TLL1: variants seen among roughly 807,000 people sequenced by gnomAD.
TLL1 encodes tolloid-like protein 1.
A neutral mutation model predicts 128.2 loss-of-function variants in TLL1; 49 were observed. The ratio of observed to expected loss-of-function variants is 0.38; its 90% confidence interval spans 0.30 to 0.48. The LOEUF (loss-of-function observed/expected upper bound fraction) is 0.48. TLL1 is among the 20% of genes least tolerant of loss of function. TLL1 has a pLI of 0.96. For missense variants in TLL1, 1,123 were observed against 1,242.0 expected, an observed-to-expected ratio of 0.90 and a Z score of 1.44; for synonymous variants, 454 against 418.8, an observed-to-expected ratio of 1.08 and a Z score of -1.03.
intron 15 of TLL1, among the ~76,000 whole-genome samples, chr4:166,063,246 A>G (rs1409098326): frequency 1.3e-5 from 2 of 152,228 alleles, no homozygotes; most frequent in Non-Finnish European, 2.9e-5. Flanking sequence ...AAAAATGCTC[A>G]TCATCACTGG....
intron 1 of TLL1, among the ~76,000 whole-genome samples, chr4:165,910,958 A>T (rs1732500634): frequency 6.6e-6 from 1 of 152,174 alleles, no homozygotes; most frequent in South Asian, 2.1e-4. Context: ...ATTTTGTTAC[A>T]TGAATAGAAT....
intron 13 of TLL1, among the ~76,000 whole-genome samples, chr4:166,056,977 C>T (rs551985441): frequency 1.6e-4 from 24 of 152,136 alleles, no homozygotes; most frequent in South Asian, 1.5e-3. Context: ...GAAAGATTTA[C>T]GCCCTCATAT....
chr4:166,098,826 G>C (rs776902768), intron 19 of TLL1, among the ~76,000 whole-genome samples: 6 of 152,052 alleles, frequency 3.9e-5, no homozygotes, highest in Admixed American at 1.3e-4. Context: ...GATTAAACTT[G>C]AGTTAATACT....
At chr4:165,884,974 G>C (rs969399490) in intron 1 of TLL1, among the ~76,000 whole-genome samples, 1 of 152,066 alleles carries the variant, frequency 6.6e-6, no homozygotes, top group African/African-American at 2.4e-5. Flanking sequence ...AAGTTACCGG[G>C]TTCACTTTTT....
chr4:166,070,177 G>C (rs1207965490), intron 16 of TLL1, among the ~76,000 whole-genome samples: 3 of 151,794 alleles, frequency 2.0e-5, no homozygotes, highest in Admixed American at 1.3e-4. Context: ...AATTTTATAT[G>C]ATATATTTGA....
chr4:165,996,095 T>C (rs1736863057), intron 5 of TLL1, among the ~76,000 whole-genome samples: 1 of 152,164 alleles, frequency 6.6e-6, no homozygotes, highest in South Asian at 2.1e-4. Flanking sequence ...TTCCTTTTCT[T>C]ATCAGTGGAA....
At chr4:165,900,141 A>T (rs1266821139) in intron 1 of TLL1, among the ~76,000 whole-genome samples, 1 of 148,074 alleles carries the variant, frequency 6.8e-6, no homozygotes, top group Non-Finnish European at 1.5e-5. Flanking sequence ...TGCTTGTGAG[A>T]TGGGTCTCCT....
At chr4:165,885,330 C>G (rs144428802) in intron 1 of TLL1, among the ~76,000 whole-genome samples, 1 of 151,962 alleles carries the variant, frequency 6.6e-6, no homozygotes, top group Non-Finnish European at 1.5e-5. Flanking sequence ...AGCAAGAGCT[C>G]CTCTCAAGTG....
intron 1 of TLL1, 109 bp downstream of exon 1, chr4:165,874,182 C>T (rs1208579470): frequency 2.2e-6 from 3 of 1,342,572 alleles, no homozygotes; most frequent in Non-Finnish European, 3.2e-6. Context: ...GCGTCAGCCC[C>T]TCCGCCGCCC....
intron 1 of TLL1, among the ~76,000 whole-genome samples, chr4:165,930,600 A>C (rs1018941260): frequency 2.0e-5 from 3 of 152,146 alleles, no homozygotes; most frequent in African/African-American, 7.2e-5. Context: ...AATATGTACT[A>C]TCTGGCTCTT....
intron 18 of TLL1, among the ~76,000 whole-genome samples, chr4:166,090,119 G>A (rs1455846611): frequency 6.6e-6 from 1 of 151,994 alleles, no homozygotes; most frequent in East Asian, 1.9e-4. Flanking sequence ...TTTTGTTGGA[G>A]GGATTATAGC....
intron 1 of TLL1, among the ~76,000 whole-genome samples, chr4:165,964,808 A>G (rs997588016): frequency 6.6e-6 from 1 of 152,122 alleles, no homozygotes; most frequent in Non-Finnish European, 1.5e-5. Context: ...ATGGTGGTGC[A>G]TGACAGTAGT....
intron 18 of TLL1, among the ~76,000 whole-genome samples, chr4:166,081,129 A>G (rs1741266183): frequency 6.6e-6 from 1 of 152,040 alleles, no homozygotes; most frequent in Non-Finnish European, 1.5e-5. Flanking sequence ...GTTTCTTTTC[A>G]GTCTCCTAGT....
At chr4:166,053,216 AG>A (rs1393950871) in intron 12 of TLL1, 1 of 151,788 alleles carries the variant, frequency 6.6e-6, no homozygotes, top group Non-Finnish European at 1.5e-5. Flanking sequence ...TCTCTCATCC[AG>A]TTACTAACTA....
chr4:166,037,780 C>T (rs931545137), intron 9 of TLL1, among the ~76,000 whole-genome samples: 2 of 151,910 alleles, frequency 1.3e-5, no homozygotes, highest in African/African-American at 2.4e-5. Flanking sequence ...TGCACTCCAG[C>T]CTGGGTGACA....
intron 1 of TLL1, among the ~76,000 whole-genome samples, chr4:165,927,865 T>G (rs1733346744): frequency 6.6e-6 from 1 of 152,222 alleles, no homozygotes; most frequent in African/African-American, 2.4e-5. Flanking sequence ...TGAGACCTCT[T>G]TGTTCTAGGA....
chr4:166,061,767 G>T (rs1445592048), intron 15 of TLL1, among the ~76,000 whole-genome samples: 1 of 152,054 alleles, frequency 6.6e-6, no homozygotes, highest in Non-Finnish European at 1.5e-5. Flanking sequence ...ATTGCTTTTG[G>T]TGTTTTATTC....
chr4:165,985,806 C>T (rs896986297), intron 1 of TLL1, among the ~76,000 whole-genome samples: 1 of 151,962 alleles, frequency 6.6e-6, no homozygotes, highest in Non-Finnish European at 1.5e-5. Context: ...GTTTGTTGTG[C>T]ATTAACGGCA....
At chr4:165,936,203 TA>T (rs201562467) in intron 1 of TLL1, among the ~76,000 whole-genome samples, 2,331 of 144,196 alleles carry the variant, frequency 0.016, 69 homozygotes, top group African/African-American at 0.056. Context: ...TATATATATA[TA>T]TATTTTTTTT....
Sources: allele counts gnomAD v4.1 joint callset (sites outside exome capture counted in the v4.1 genomes callset), GRCh38; gene constraint gnomAD v4.1.1; transcripts MANE v1.5; gene names NCBI Gene and HGNC (gene_info 2026-07-23, HGNC 2026-07-21).